The following RBPJ variants were observed in gnomAD, a reference collection of about 807,000 sequenced individuals.
RBPJ encodes the protein recombining binding protein suppressor of hairless.
A neutral mutation model predicts 67.8 loss-of-function variants in RBPJ; 9 were observed. That is an observed-to-expected ratio of 0.13 (90% CI 0.08 to 0.23). The LOEUF (loss-of-function observed/expected upper bound fraction) is 0.23, where lower values mean the gene tolerates loss of function less well. RBPJ is among the 10% of genes least tolerant of loss of function. RBPJ has a pLI of 1.00. For synonymous variants in RBPJ, 198 were observed against 203.3 expected (o/e 0.97, Z 0.22); for missense variants, 305 against 595.6 (o/e 0.51, Z 5.08).
At chr4:26,114,389 G>A in the RBPJ span, among the ~76,000 whole-genome samples, 1 of 150,938 alleles carries the variant, frequency 6.6e-6, no homozygotes, top group Non-Finnish European at 1.5e-5. Flanking sequence ...CCCGGGAGAT[G>A]GAGCTTGCAG....
chr4:26,146,843 T>G, the RBPJ span, among the ~76,000 whole-genome samples: 2 of 152,142 alleles, frequency 1.3e-5, no homozygotes. Flanking sequence ...GAGCTCTGAA[T>G]GAAAAGCAAA....
chr4:26,138,952 C>A, the RBPJ span, among the ~76,000 whole-genome samples: 5 of 152,216 alleles, frequency 3.3e-5, no homozygotes, highest in Non-Finnish European at 7.3e-5. Flanking sequence ...GATTGCTCTG[C>A]GCTCAAGAGG....
At chr4:26,150,732 G>A in the RBPJ span, among the ~76,000 whole-genome samples, 1 of 152,184 alleles carries the variant, frequency 6.6e-6, no homozygotes, top group Non-Finnish European at 1.5e-5. Context: ...GACAGTGATG[G>A]ACACAGAACA....
intron 1 of RBPJ, among the ~76,000 whole-genome samples, chr4:26,245,931 C>G (rs1332096326): frequency 6.6e-6 from 1 of 152,176 alleles, no homozygotes; most frequent in East Asian, 1.9e-4. Flanking sequence ...ATATGTCTGT[C>G]TTAATGCCTA....
At chr4:26,418,342 CTT>C (rs1239521816) in intron 4 of RBPJ, among the ~76,000 whole-genome samples, 3 of 152,116 alleles carry the variant, frequency 2.0e-5, no homozygotes, top group Non-Finnish European at 2.9e-5. Context: ...GAGTCAGTGA[CTT>C]TTTCCTTCTT....
chr4:26,330,622 A>G (rs748142512), intron 1 of RBPJ, among the ~76,000 whole-genome samples: 1 of 152,250 alleles, frequency 6.6e-6, no homozygotes, highest in Non-Finnish European at 1.5e-5. Flanking sequence ...ATGGAAGCTC[A>G]ATGAAATTCA....
chr4:26,110,211 A>C, the RBPJ span, among the ~76,000 whole-genome samples: 1 of 151,772 alleles, frequency 6.6e-6, no homozygotes, highest in East Asian at 1.9e-4. This position sits in a 1 kb window ranked among gnomAD's most constrained non-coding sequence, Gnocchi z 4.5. Context: ...TGTACTTCTT[A>C]CTCCATCTCC....
chr4:26,266,604 A>G (rs1224987494), intron 1 of RBPJ, among the ~76,000 whole-genome samples: 1 of 152,178 alleles, frequency 6.6e-6, no homozygotes, highest in African/African-American at 2.4e-5. Context: ...GACCTGCTTC[A>G]GGAGAAAGAA....
At chr4:26,109,479 T>TACACACACAC in the RBPJ span, among the ~76,000 whole-genome samples, 27 of 51,434 alleles carry the variant, frequency 5.2e-4, 2 homozygotes, top group African/African-American at 2.4e-3. Flanking sequence ...TATATATATA[T>TACACACACAC]ATATATATAT....
chr4:26,429,802 T>G (rs1401789243), intron 8 of RBPJ, 96 bp from the exon 9 acceptor site: 3 of 995,042 alleles, frequency 3.0e-6, no homozygotes, highest in East Asian at 5.2e-5. Context: ...AGTTATCTTC[T>G]TATTAACTCT....
At chr4:26,218,188 G>A (rs1228811773) in intron 1 of RBPJ, among the ~76,000 whole-genome samples, 1 of 152,192 alleles carries the variant, frequency 6.6e-6, no homozygotes, top group Admixed American at 6.5e-5. Flanking sequence ...CCTATGCGAA[G>A]GCAATCAGGG....
chr4:26,374,461 A>G (rs1729498226), intron 1 of RBPJ, among the ~76,000 whole-genome samples: 1 of 146,138 alleles, frequency 6.8e-6, no homozygotes, highest in Admixed American at 7.2e-5. Flanking sequence ...ATAAAAATTC[A>G]TATCCGGTCA....
At chr4:26,269,508 G>A (rs1463408573) in intron 1 of RBPJ, among the ~76,000 whole-genome samples, 3 of 152,060 alleles carry the variant, frequency 2.0e-5, no homozygotes, top group East Asian at 1.9e-4. Context: ...GGCCAGCCTC[G>A]GCCTCCCAAA....
chr4:26,302,683 G>A (rs1471304220), intron 1 of RBPJ, among the ~76,000 whole-genome samples: 1 of 152,168 alleles, frequency 6.6e-6, no homozygotes, highest in Non-Finnish European at 1.5e-5. Flanking sequence ...GCTAGGGAAA[G>A]TTTCTTCATT....
At chr4:26,263,039 A>G (rs1287504718) in intron 1 of RBPJ, among the ~76,000 whole-genome samples, 1 of 152,138 alleles carries the variant, frequency 6.6e-6, no homozygotes, top group African/African-American at 2.4e-5. Flanking sequence ...GAATTCCACA[A>G]TGAAACCTTC....
At chr4:26,290,028 A>T (rs1375641899) in intron 1 of RBPJ, among the ~76,000 whole-genome samples, 1 of 150,550 alleles carries the variant, frequency 6.6e-6, no homozygotes, top group Non-Finnish European at 1.5e-5. Flanking sequence ...GTTAAAGAAA[A>T]ATATAAAATA....
intron 1 of RBPJ, among the ~76,000 whole-genome samples, chr4:26,342,768 CTAAT>C (rs1056120958): frequency 3.3e-5 from 5 of 152,324 alleles, no homozygotes; most frequent in East Asian, 1.9e-4. Context: ...CTGTTCACCA[CTAAT>C]TAATTTGGGT....
chr4:26,286,985 C>T (rs1407524980), intron 1 of RBPJ, among the ~76,000 whole-genome samples: 2 of 152,058 alleles, frequency 1.3e-5, no homozygotes, highest in African/African-American at 4.8e-5. Flanking sequence ...CGGGGTTTCT[C>T]CATGTTGTCC....
chr4:26,300,848 G>A (rs1722051515), intron 1 of RBPJ, among the ~76,000 whole-genome samples: 2 of 152,174 alleles, frequency 1.3e-5, no homozygotes, highest in Admixed American at 6.5e-5. Context: ...AGTGGGATAG[G>A]ATAAATAAAG....
Sources: allele counts gnomAD v4.1 joint callset (sites outside exome capture counted in the v4.1 genomes callset), GRCh38; gene constraint gnomAD v4.1.1; non-coding constraint Gnocchi (gnomAD v3.1); transcripts MANE v1.5; gene names NCBI Gene and HGNC (gene_info 2026-07-23, HGNC 2026-07-21).